NYAP2: variants seen among roughly 807,000 people sequenced by gnomAD.
NYAP2 encodes the protein neuronal tyrosine-phosphorylated phosphoinositide-3-kinase adapter 2.
NYAP2 carries 23 observed loss-of-function variants against 50.4 expected under a neutral mutation model. That is an observed-to-expected ratio of 0.46 (90% CI 0.33 to 0.65). The LOEUF (loss-of-function observed/expected upper bound fraction) is 0.65. Ranked by LOEUF, NYAP2 falls within the 30% of genes least tolerant of loss-of-function variation. NYAP2 has a pLI of 0.02. For synonymous variants in NYAP2, 394 were observed against 365.2 expected (o/e 1.08, Z -0.90); for missense variants, 885 against 861.0 (o/e 1.03, Z -0.35).
intron 4 of NYAP2, among the ~76,000 whole-genome samples, chr2:225,581,334 A>G (rs1182410755): frequency 6.6e-6 from 1 of 152,248 alleles, no homozygotes; most frequent in Non-Finnish European, 1.5e-5. Context: ...GGAGATTTAA[A>G]GATTAACTTG....
the NYAP2 span, among the ~76,000 whole-genome samples, chr2:225,660,773 C>A: frequency 6.6e-6 from 1 of 152,150 alleles, no homozygotes; most frequent in Non-Finnish European, 1.5e-5. Flanking sequence ...CTGTAGAAAT[C>A]TATGACAAAA....
At chr2:225,543,663 A>C (rs7587509) in intron 4 of NYAP2, among the ~76,000 whole-genome samples, 32,551 of 151,954 alleles carry the variant, frequency 0.21, 3,478 homozygotes, top group African/African-American at 0.23. Context: ...CACTTAAGAC[A>C]TGTTTTGTGA....
At chr2:225,605,291 G>A (rs2106244173) in intron 5 of NYAP2, among the ~76,000 whole-genome samples, 1 of 152,210 alleles carries the variant, frequency 6.6e-6, no homozygotes, top group African/African-American at 2.4e-5. Context: ...CCACCTAAGA[G>A]TGGAAAAGCT....
At chr2:225,583,489 G>T (rs1692337196) in intron 5 of NYAP2, among the ~76,000 whole-genome samples, 1 of 151,902 alleles carries the variant, frequency 6.6e-6, no homozygotes, top group Non-Finnish European at 1.5e-5. Flanking sequence ...TAAGCTGAAA[G>T]AATTAAAAAT....
At chr2:225,500,988 C>T (rs1203084106) in intron 3 of NYAP2, among the ~76,000 whole-genome samples, 1 of 152,182 alleles carries the variant, frequency 6.6e-6, no homozygotes, top group African/African-American at 2.4e-5. Context: ...GTGTCAGTAT[C>T]TAATACTGTG....
chr2:225,520,705 G>C (rs562691536), intron 4 of NYAP2, among the ~76,000 whole-genome samples: 1 of 152,178 alleles, frequency 6.6e-6, no homozygotes, highest in Non-Finnish European at 1.5e-5. Flanking sequence ...ATCAGGTAGC[G>C]TGATGCCTCC....
At chr2:225,664,355 C>A in the NYAP2 span, among the ~76,000 whole-genome samples, 1 of 152,038 alleles carries the variant, frequency 6.6e-6, no homozygotes. Context: ...CTATTTTTAT[C>A]CTGGAAATCT....
At chr2:225,540,552 T>C (rs568691500) in intron 4 of NYAP2, among the ~76,000 whole-genome samples, 22 of 152,146 alleles carry the variant, frequency 1.4e-4, no homozygotes, top group Non-Finnish European at 3.1e-4. Flanking sequence ...CATGACTCAA[T>C]TACTTCCCAC....
Position 225,635,116 on chromosome 2 carries a change from C to T in NYAP2, c.1828+7990C>T, listed in dbSNP as rs147804365. On this transcript the variant is annotated intron_variant, in intron 6 of 6. Coordinates refer to ENST00000636099, the Ensembl canonical transcript of NYAP2. ...TAACTCAAAGCCATTTATGCTTCAG[C>T]CTCCATATCCAAGAAGACTCCCATG... Among the ~76,000 whole-genome samples, 621 of 152,302 alleles carry T rather than the reference C, an allele frequency of 4.1e-3. 4 individuals are homozygous for T. The highest frequency in any genetic ancestry group is 0.014 in the African/African-American group (571 of 41,566).
At chr2:225,618,768 A>G (rs1365711174) in intron 5 of NYAP2, among the ~76,000 whole-genome samples, 1 of 152,238 alleles carries the variant, frequency 6.6e-6, no homozygotes, top group Non-Finnish European at 1.5e-5. Flanking sequence ...AACCCAAAGC[A>G]TTGGAACTTG....
intron 3 of NYAP2, among the ~76,000 whole-genome samples, chr2:225,502,627 A>C (rs1307375226): frequency 6.6e-6 from 1 of 152,196 alleles, no homozygotes; most frequent in East Asian, 1.9e-4. Context: ...ATAGATCCCC[A>C]CTGCCAGCTC....
intron 3 of NYAP2, among the ~76,000 whole-genome samples, chr2:225,421,107 C>T (rs1253552898): frequency 6.6e-6 from 1 of 151,850 alleles, no homozygotes; most frequent in Non-Finnish European, 1.5e-5. Flanking sequence ...GAAGGGATCT[C>T]ACTATGTTGC....
intron 4 of NYAP2, among the ~76,000 whole-genome samples, chr2:225,573,348 T>C (rs1692109484): frequency 6.6e-6 from 1 of 151,832 alleles, no homozygotes; most frequent in African/African-American, 2.4e-5. Flanking sequence ...GCCTCCATGG[T>C]TCAAACAATT....
chr2:225,547,064 C>T (rs1691597577), intron 4 of NYAP2, among the ~76,000 whole-genome samples: 2 of 152,082 alleles, frequency 1.3e-5, no homozygotes, highest in African/African-American at 2.4e-5. Flanking sequence ...GTCCACAAAG[C>T]TAGAAAAAAG....
At chr2:225,605,724 T>G (rs2106244437) in intron 5 of NYAP2, among the ~76,000 whole-genome samples, 1 of 152,214 alleles carries the variant, frequency 6.6e-6, no homozygotes, top group Non-Finnish European at 1.5e-5. Flanking sequence ...TGAAACATTT[T>G]TCTTTACTAC....
chr2:225,559,890 C>T (rs1691842925), intron 4 of NYAP2, among the ~76,000 whole-genome samples: 1 of 151,966 alleles, frequency 6.6e-6, no homozygotes, highest in African/African-American at 2.4e-5. Flanking sequence ...TATTTTGCCC[C>T]TTTCCCAAGA....
chr2:225,653,215 T>C (rs1393979056), exon 7 of NYAP2: 1 of 152,230 alleles, frequency 6.6e-6, no homozygotes, highest in Non-Finnish European at 1.5e-5. Flanking sequence ...ATTGCACTAA[T>C]ACAATCAAGT....
chr2:225,622,489 C>T (rs1693122255), intron 5 of NYAP2, among the ~76,000 whole-genome samples: 2 of 140,938 alleles, frequency 1.4e-5, no homozygotes, highest in Admixed American at 1.5e-4. Flanking sequence ...AGGACATTAA[C>T]CAATTTTATT....
At chr2:225,587,041 A>T (rs1163767102) in intron 5 of NYAP2, among the ~76,000 whole-genome samples, 1 of 152,196 alleles carries the variant, frequency 6.6e-6, no homozygotes, top group Non-Finnish European at 1.5e-5. Flanking sequence ...AGAGCAGGGA[A>T]GATTGTCTTA....
Sources: allele counts gnomAD v4.1 joint callset (sites outside exome capture counted in the v4.1 genomes callset), GRCh38; gene constraint gnomAD v4.1.1; transcripts MANE v1.5; gene names NCBI Gene and HGNC (gene_info 2026-07-23, HGNC 2026-07-21).